Variants in MLIP observed in about 807,000 individuals in gnomAD.
MLIP encodes the protein muscular LMNA-interacting protein.
MLIP carries 79 observed loss-of-function variants against 84.8 expected under a neutral mutation model. The observed-to-expected ratio is 0.93, with a 90% CI of 0.78 to 1.12. The LOEUF (loss-of-function observed/expected upper bound fraction) is 1.12, where lower values mean the gene tolerates loss of function less well. MLIP is among the 50% of genes most tolerant of loss of function. The probability of loss-of-function intolerance (pLI) is 0.00; values close to 1 mark genes in which losing one functional copy is unlikely to be tolerated. For synonymous variants in MLIP, 504 were observed against 463.0 expected, an observed-to-expected ratio of 1.09 and a Z score of -1.14; for missense variants, 1,257 against 1,160.6, an observed-to-expected ratio of 1.08 and a Z score of -1.21.
intron 1 of MLIP, among the ~76,000 whole-genome samples, chr6:54,105,765 G>A (rs1023793503): frequency 6.6e-6 from 1 of 152,116 alleles, no homozygotes; most frequent in Non-Finnish European, 1.5e-5. Flanking sequence ...GGAAATGAAG[G>A]CATGGTAACC....
intron 1 of MLIP, among the ~76,000 whole-genome samples, chr6:54,097,483 ATTG>A (rs1768299270): frequency 6.6e-6 from 1 of 152,210 alleles, no homozygotes; most frequent in African/African-American, 2.4e-5. Flanking sequence ...GCTTAAAATT[ATTG>A]TTATTTTAAA....
upstream of MLIP, among the ~76,000 whole-genome samples, chr6:54,110,149 A>AT (rs1434604489): frequency 6.6e-6 from 1 of 151,230 alleles, no homozygotes; most frequent in East Asian, 1.9e-4. Context: ...CGCCCGGCTA[A>AT]TTTTTTGTAT....
upstream of MLIP, among the ~76,000 whole-genome samples, chr6:54,109,278 AAAC>A (rs1769245300): frequency 6.6e-6 from 1 of 152,064 alleles, no homozygotes; most frequent in Admixed American, 6.6e-5. Flanking sequence ...TAAAACTAGA[AAAC>A]AACAATACCC....
At position 54,178,604 on chromosome 6, in the gene MLIP, G is replaced by A. The variant is rs183052105; in HGVS notation, c.2544+9032G>A. ...GTATTTCGCATTTCCATTATCATTC[G>A]TTTAAAGAAATCTTTCAATTTCTTT... On this transcript the variant is annotated intron_variant, in intron 9 of 13. Transcript: ENST00000502396. Among the ~76,000 whole-genome samples, 94 of 152,072 alleles carry A rather than the reference G, an allele frequency of 6.2e-4. 1 individual carries two copies. The highest frequency in any genetic ancestry group is 2.0e-3 in the African/African-American group (83 of 41,510).
At chr6:54,196,543 C>G (rs1778310912) in intron 10 of MLIP, among the ~76,000 whole-genome samples, 1 of 152,076 alleles carries the variant, frequency 6.6e-6, no homozygotes, top group African/African-American at 2.4e-5. Flanking sequence ...TCATAGTATT[C>G]CATGGTGTAT....
chr6:54,245,477 G>A (rs1782016361), intron 12 of MLIP, among the ~76,000 whole-genome samples: 1 of 152,146 alleles, frequency 6.6e-6, no homozygotes. Context: ...GAGTAACTCA[G>A]GGTTAGGACA....
intron 1 of MLIP, among the ~76,000 whole-genome samples, chr6:54,040,607 T>G (rs888553072): frequency 6.6e-6 from 1 of 152,044 alleles, no homozygotes; most frequent in Non-Finnish European, 1.5e-5. Flanking sequence ...AAAAGACATA[T>G]GCACTCATAC....
chr6:54,123,919 C>G (rs1426321386), intron 2 of MLIP, among the ~76,000 whole-genome samples: 2 of 152,158 alleles, frequency 1.3e-5, no homozygotes, highest in African/African-American at 4.8e-5. Context: ...ATGCTTTGTA[C>G]TAAAAATATC....
intron 9 of MLIP, among the ~76,000 whole-genome samples, chr6:54,179,913 T>C (rs1174941390): frequency 6.6e-6 from 1 of 152,180 alleles, no homozygotes; most frequent in Non-Finnish European, 1.5e-5. Flanking sequence ...TTCTGATGAT[T>C]TCTTCCTGCT....
intron 10 of MLIP, among the ~76,000 whole-genome samples, chr6:54,191,177 A>G (rs888143206): frequency 9.9e-5 from 15 of 152,192 alleles, no homozygotes; most frequent in African/African-American, 2.9e-4. Context: ...AAAATGATGG[A>G]AATTTCTAGT....
At chr6:54,141,564 C>T (rs1222505212) in intron 4 of MLIP, among the ~76,000 whole-genome samples, 3 of 152,182 alleles carry the variant, frequency 2.0e-5, no homozygotes, top group Non-Finnish European at 4.4e-5. Flanking sequence ...GCCTCGGCAT[C>T]CCAAAGTGCT....
chr6:54,051,638 T>A lies in MLIP; in HGVS notation c.63+32547T>A, dbSNP rs535677935. 3.9e-5 allele frequency among the ~76,000 whole-genome samples: 6 copies of A among 152,034 alleles called. 1 individual carries two copies. Among genetic ancestry groups the A allele is most frequent in the Non-Finnish European group, 8.8e-5 (6 of 67,992 alleles). Reference sequence around the variant, plus strand: ...ACTATGACACATAGGAAAAAGAAAATCTGGGATTCTGATCCCAGATGTGCA... The same window carrying A: ...ACTATGACACATAGGAAAAAGAAAAACTGGGATTCTGATCCCAGATGTGCA... On this transcript the variant is annotated intron_variant, in intron 1 of 12. Coordinates refer to the MLIP transcript ENST00000274897.
At position 54,051,595 on chromosome 6, in the gene MLIP, T is replaced by G. The variant is rs539349974; in HGVS notation, c.63+32504T>G. On this transcript the variant is annotated intron_variant, in intron 1 of 12. Coordinates refer to the MLIP transcript ENST00000274897. ...TAATTAATCCTGATAGTCTCTATAT[T>G]GTAGACAATTTTAGGGGACTATGAC... is the stretch of plus-strand genomic sequence containing the variant. Among the ~76,000 whole-genome samples, 19 of 152,172 alleles carry G rather than the reference T, an allele frequency of 1.2e-4. No individual in the cohort carries two copies. The East Asian group carries it at 3.7e-3, about 29-fold the overall frequency.
chr6:54,071,738 A>C (rs1458663844), intron 1 of MLIP, among the ~76,000 whole-genome samples: 1 of 152,176 alleles, frequency 6.6e-6, no homozygotes, highest in Non-Finnish European at 1.5e-5. Flanking sequence ...AAAAAATCTT[A>C]CTTCATGAGC....
intron 3 of MLIP, among the ~76,000 whole-genome samples, chr6:54,128,187 T>C (rs1771085340): frequency 6.6e-6 from 1 of 152,152 alleles, no homozygotes; most frequent in Admixed American, 6.5e-5. Flanking sequence ...AGATTAGACA[T>C]CTGATGTTGA....
At position 54,219,152 on chromosome 6, in the gene MLIP, G is replaced by A. The variant is rs149527956; in HGVS notation, c.2719-11562G>A. Among the ~76,000 whole-genome samples, 517 of 151,864 alleles carry A rather than the reference G, an allele frequency of 3.4e-3. 1 individual carries two copies. Among genetic ancestry groups the A allele is most frequent in the African/African-American group, 0.012 (483 of 41,442 alleles). ...ACCTGGGAGGTGGAGCTTGTAGTGAGCCGAGATCATGCCACTGTACTCCAG... is the reference window on the plus strand; with the variant it reads ...ACCTGGGAGGTGGAGCTTGTAGTGAACCGAGATCATGCCACTGTACTCCAG... On this transcript the variant is annotated intron_variant, in intron 11 of 13. Coordinates refer to ENST00000502396, the MANE Select transcript of MLIP (RefSeq NM_001281747.2).
At chr6:54,111,609 A>G in intron 1 of MLIP, 34 bp downstream of exon 1, 1 of 1,532,954 alleles carries the variant, frequency 6.5e-7, no homozygotes, top group African/African-American at 1.4e-5. Context: ...GCTTTCAGTA[A>G]CTTTTAAAAG....
In MLIP at chr6:54,218,911, A is replaced by G. The variant is rs187216356; in HGVS notation, c.2719-11803A>G. Among the ~76,000 whole-genome samples the G allele has an allele frequency of 2.0e-3, 300 of 152,124 alleles. 3 individuals carry two copies. The highest frequency in any genetic ancestry group is 6.7e-3 in the African/African-American group (278 of 41,514). ...CTTTTTGACTCTTATAATAAACAAA[A>G]TGCAAACACAGGCCAGGTGCAGTGG... On this transcript the variant is annotated intron_variant, in intron 11 of 13. Transcript: ENST00000502396.
chr6:54,207,610 C>A (rs1274399259), intron 11 of MLIP, among the ~76,000 whole-genome samples: 1 of 152,102 alleles, frequency 6.6e-6, no homozygotes, highest in Non-Finnish European at 1.5e-5. Flanking sequence ...AAACAGCAAA[C>A]ACCCAAAGAA....
Sources: allele counts gnomAD v4.1 joint callset (sites outside exome capture counted in the v4.1 genomes callset), GRCh38; gene constraint gnomAD v4.1.1; transcripts MANE v1.5; gene names NCBI Gene and HGNC (gene_info 2026-07-23, HGNC 2026-07-21).